The following GSN variants were observed in gnomAD, a reference collection of about 807,000 sequenced individuals.
GSN encodes gelsolin.
GSN carries 56 observed loss-of-function variants against 85.7 expected under a neutral mutation model. The observed-to-expected ratio is 0.65, with a 90% CI of 0.53 to 0.82. The LOEUF (loss-of-function observed/expected upper bound fraction) is 0.82. Ranked by LOEUF, GSN falls within the 40% of genes least tolerant of loss-of-function variation. The pLI is 0.00. For synonymous variants in GSN, 373 were observed against 399.1 expected (o/e 0.93, Z 0.78); for missense variants, 857 against 979.8 (o/e 0.87, Z 1.67).
At position 121,332,638 on chromosome 9, in the gene GSN, G is replaced by T; in HGVS notation, c.*35G>T. On this transcript the variant is annotated 3_prime_UTR_variant, in exon 18 of 18. Coordinates refer to ENST00000432226, the MANE Select transcript of GSN (RefSeq NM_198252.3). The surrounding 1 kb of genome is among the most constrained non-coding windows in gnomAD (Gnocchi z 4.8). ...GGGCCCACCCATGTCACCGGTCAGT[G>T]CCTTTTGGAACTGTCCTTCCCTCAA... is the stretch of plus-strand genomic sequence containing the variant. 6.4e-7 allele frequency: 1 copy of T among 1,574,304 alleles called. No individual in the cohort carries two copies. The highest frequency in any genetic ancestry group is 8.7e-7 in the Non-Finnish European group (1 of 1,149,542).
At chr9:121,259,098 T>C (rs146162756) in intron 6 of GSN, among the ~76,000 whole-genome samples, 87 of 152,340 alleles carry the variant, frequency 5.7e-4, no homozygotes, top group African/African-American at 2.0e-3. Context: ...CAGTGTGTAT[T>C]GAGGGTCTGA....
At chr9:121,290,051 AG>A (rs1223329598) in intron 2 of GSN, among the ~76,000 whole-genome samples, 2 of 151,662 alleles carry the variant, frequency 1.3e-5, no homozygotes, top group Non-Finnish European at 2.9e-5. Flanking sequence ...TAAAGTGGAG[AG>A]GAGATGAGCT....
chr9:121,285,840 G>A (rs2058003238), intron 2 of GSN, among the ~76,000 whole-genome samples: 1 of 152,178 alleles, frequency 6.6e-6, no homozygotes, highest in African/African-American at 2.4e-5. Context: ...GCAGGAAAAG[G>A]GCCTCCTCTC....
At position 121,290,589 on chromosome 9, in the gene GSN, G is replaced by A. The variant is rs1251444059; in HGVS notation, c.-10+9027G>A. Among the ~76,000 whole-genome samples, 5 of 152,062 alleles carry A rather than the reference G, an allele frequency of 3.3e-5. No homozygotes were observed. The South Asian group carries it at 6.2e-4, about 19-fold the overall frequency. On this transcript the variant is annotated intron_variant, in intron 2 of 17. Coordinates refer to ENST00000432226, the MANE Select transcript of GSN (RefSeq NM_198252.3). The stretch of plus-strand genomic sequence containing the variant: ...ATTGTATATACTTAAGGTATATAAC[G>A]CGATGTTATGAATACATTTAGATAG...
chr9:121,313,311 G>A (rs2061376175), intron 6 of GSN: 1 of 168,230 alleles, frequency 5.9e-6, no homozygotes, highest in South Asian at 1.5e-4. Flanking sequence ...AAGACCATGA[G>A]CTCTGCTCCA....
chr9:121,247,057 T>C (rs2054714057), intron 5 of GSN, among the ~76,000 whole-genome samples: 1 of 152,142 alleles, frequency 6.6e-6, no homozygotes, highest in Admixed American at 6.5e-5. Context: ...GATCATGAGA[T>C]CATGAATGGG....
At chr9:121,303,604 G>A (rs974267397) in intron 4 of GSN, among the ~76,000 whole-genome samples, 10 of 152,050 alleles carry the variant, frequency 6.6e-5, no homozygotes, top group African/African-American at 2.4e-4. Flanking sequence ...AGGCCAAACT[G>A]GGAGCTCCAA....
At chr9:121,309,554 A>G (rs1435224277) in intron 4 of GSN, 1 of 152,258 alleles carries the variant, frequency 6.6e-6, no homozygotes, top group Non-Finnish European at 1.5e-5. Context: ...GAAGGGTGGC[A>G]TGGGCTGGAA....
chr9:121,228,504 G>A (rs972250394), intron 4 of GSN, among the ~76,000 whole-genome samples: 1 of 138,568 alleles, frequency 7.2e-6, no homozygotes, highest in African/African-American at 2.7e-5. Flanking sequence ...TGTGATCTTG[G>A]CTCACTGCAA....
intron 5 of GSN, among the ~76,000 whole-genome samples, chr9:121,237,947 C>T (rs1427212186): frequency 1.3e-5 from 2 of 152,232 alleles, no homozygotes; most frequent in Non-Finnish European, 2.9e-5. Flanking sequence ...AGTCTGTTAG[C>T]AGTTTAAAGC....
intron 4 of GSN, among the ~76,000 whole-genome samples, chr9:121,211,584 G>A (rs1342852866): frequency 1.3e-5 from 2 of 152,212 alleles, no homozygotes; most frequent in African/African-American, 4.8e-5. Flanking sequence ...ATAAAGCACT[G>A]AACTGGGAAT....
chr9:121,218,165 T>C (rs2054102309), intron 4 of GSN, among the ~76,000 whole-genome samples: 2 of 152,182 alleles, frequency 1.3e-5, no homozygotes, highest in Admixed American at 1.3e-4. Context: ...TGTCTGGCAG[T>C]CATTTAATAT....
chr9:121,301,646 A>T (rs1197619981), intron 2 of GSN, among the ~76,000 whole-genome samples: 11 of 150,786 alleles, frequency 7.3e-5, no homozygotes, highest in African/African-American at 2.7e-4. Context: ...AAAAAAAAAG[A>T]AAAAAAGAAA....
At chr9:121,266,454 A>ATTG (rs1379042229), upstream of GSN, among the ~76,000 whole-genome samples, 1 of 152,204 alleles carries the variant, frequency 6.6e-6, no homozygotes, top group Non-Finnish European at 1.5e-5. Context: ...ATTGGGCCCC[A>ATTG]GGCAGCCTCT....
At chr9:121,307,211 A>G (rs1192325045) in intron 4 of GSN, among the ~76,000 whole-genome samples, 3 of 152,230 alleles carry the variant, frequency 2.0e-5, no homozygotes, top group African/African-American at 7.2e-5. Context: ...ATAAATAAAT[A>G]CAGAGAATTT....
chr9:121,310,116 G>A (rs1308019864), intron 4 of GSN: 1 of 153,090 alleles, frequency 6.5e-6, no homozygotes, highest in Non-Finnish European at 1.5e-5. Context: ...GCAGTTCTTG[G>A]TTCAATAAGA....
intron 5 of GSN, among the ~76,000 whole-genome samples, chr9:121,241,181 G>A (rs2054596783): frequency 6.6e-6 from 1 of 152,210 alleles, no homozygotes; most frequent in South Asian, 2.1e-4. Flanking sequence ...GGAAAGAAGT[G>A]CAAAGGGCAT....
At chr9:121,225,960 A>G (rs1317975441) in intron 4 of GSN, among the ~76,000 whole-genome samples, 2 of 152,176 alleles carry the variant, frequency 1.3e-5, no homozygotes, top group African/African-American at 4.8e-5. Flanking sequence ...ACCTGCCACC[A>G]TGCCTGGCTA....
rs368207411 is a variant in GSN, at chr9:121,327,410, A to G, written c.1690A>G (p.Lys564Glu). Reference sequence around the variant, plus strand: ...GGGTACAGGAGCCAGCGAGGCAGAGAAGACGGGGGCCCAGGAGCTGCTCAG... The same window carrying G: ...GGGTACAGGAGCCAGCGAGGCAGAGGAGACGGGGGCCCAGGAGCTGCTCAG... ...WVGTGASEAEKTGAQELLRVL... is the reference protein window; with the variant it reads ...WVGTGASEAEETGAQELLRVL... Residue 564 changes from lysine (K) to glutamate (E), a missense_variant, in exon 14 of 18, where the codon AAG (lysine) becomes GAG (glutamate). Lys to Glu is a moderately conservative substitution (Grantham distance 56). Coordinates refer to ENST00000432226, the MANE Select transcript of GSN (RefSeq NM_198252.3). The G allele has an allele frequency of 2.8e-5, 45 of 1,612,130 alleles. 1 individual carries two copies. The Middle Eastern group carries it at 2.9e-3, about 102-fold the overall frequency.
Sources: allele counts gnomAD v4.1 joint callset (sites outside exome capture counted in the v4.1 genomes callset), GRCh38; gene constraint gnomAD v4.1.1; non-coding constraint Gnocchi (gnomAD v3.1); transcripts MANE v1.5; gene names NCBI Gene and HGNC (gene_info 2026-07-23, HGNC 2026-07-21).